RTL9: variants seen among roughly 807,000 people sequenced by gnomAD.
RTL9 encodes the protein retrotransposon Gag like 9.
RTL9 carries 19 observed loss-of-function variants against 44.7 expected under a neutral mutation model. The ratio of observed to expected loss-of-function variants is 0.42; its 90% CI spans 0.30 to 0.62. The LOEUF (loss-of-function observed/expected upper bound fraction) is 0.62. Ranked by LOEUF, RTL9 falls within the 20% of genes least tolerant of loss-of-function variation. RTL9 has a pLI of 0.16. For missense variants in RTL9, 1,105 were observed against 1,080.6 expected (o/e 1.02, Z -0.32); for synonymous variants, 407 against 398.9 (o/e 1.02, Z -0.24).
intron 1 of RTL9, among the ~76,000 whole-genome samples, chrX:110,433,685 A>G (rs1388473302): frequency 8.9e-6 from 1 of 111,918 alleles, no homozygotes; most frequent in Non-Finnish European, 1.9e-5. Context: ...AATCATGAAA[A>G]GAGCTTAGGA....
chrX:110,442,382 G>A (rs1374242126), intron 1 of RTL9, among the ~76,000 whole-genome samples: 1 of 110,177 alleles, frequency 9.1e-6, no homozygotes, highest in Non-Finnish European at 1.9e-5. Flanking sequence ...ACGTTGTACG[G>A]GTCAAATAAA....
At chrX:110,368,457 C>T (rs1029959707) in intron 1 of RTL9, among the ~76,000 whole-genome samples, 57 of 111,607 alleles carry the variant, frequency 5.1e-4, no homozygotes, top group African/African-American at 1.8e-3. Flanking sequence ...CAAGAAAACT[C>T]CCAGAGGTCC....
intron 1 of RTL9, among the ~76,000 whole-genome samples, chrX:110,423,376 GA>G (rs2068732609): frequency 9.2e-6 from 1 of 108,726 alleles, no homozygotes; most frequent in Non-Finnish European, 1.9e-5. Flanking sequence ...AGAAGGAGAA[GA>G]AGGAGAAGGA....
exon 1 of RTL9, chrX:110,452,542 C>T (rs1439215189): frequency 8.3e-7 from 1 of 1,211,834 alleles, no homozygotes; most frequent in South Asian, 1.8e-5. Context: ...GCAATGCCCA[C>T]ACTGCTAATG....
chrX:110,381,519 T>C (rs2068418940), intron 1 of RTL9, among the ~76,000 whole-genome samples: 1 of 111,856 alleles, frequency 8.9e-6, no homozygotes, highest in Admixed American at 9.4e-5. Context: ...GTTAAAGATT[T>C]CTCAAAGATC....
intron 1 of RTL9, among the ~76,000 whole-genome samples, chrX:110,424,960 A>G (rs2068743780): frequency 9.0e-6 from 1 of 111,592 alleles, no homozygotes; most frequent in Admixed American, 9.5e-5. Flanking sequence ...TGACAACAGT[A>G]TTCTCGCTTT....
intron 1 of RTL9, among the ~76,000 whole-genome samples, chrX:110,407,445 T>C (rs1485743205): frequency 8.9e-6 from 1 of 112,238 alleles, no homozygotes; most frequent in African/African-American, 3.2e-5. Flanking sequence ...TTTCAGCACA[T>C]ACCATGTGAT....
At position 110,453,286 on chromosome X, in the gene RTL9, G is replaced by C. The variant is rs141916712; in HGVS notation, c.2669G>C (p.Arg890Pro). 7 of 1,210,956 alleles carry C rather than the reference G, an allele frequency of 5.8e-6. No individual in the cohort carries two copies. The South Asian group carries it at 1.1e-4, about 18-fold the overall frequency. The change falls in exon 1 of 2, where the codon CGA becomes CCA. Residue 890 changes from arginine (R) to proline (P), a missense_variant. Arg to Pro is a moderately radical substitution (Grantham distance 103). Transcript: ENST00000540313. ...GGAGACATGTGCACACTACCAGTGC[G>C]AGCCCCAGCCTCTGGAGGGGTGTCC...
At chrX:110,435,463 G>T (rs2068832111) in intron 1 of RTL9, among the ~76,000 whole-genome samples, 1 of 111,936 alleles carries the variant, frequency 8.9e-6, no homozygotes, top group Non-Finnish European at 1.9e-5. Flanking sequence ...ACCACAGCTG[G>T]TCTCCTAGGA....
At chrX:110,386,267 C>CA (rs1395013126) in intron 1 of RTL9, among the ~76,000 whole-genome samples, 2 of 109,708 alleles carry the variant, frequency 1.8e-5, no homozygotes, top group Non-Finnish European at 3.8e-5. Flanking sequence ...ATGATGGTTT[C>CA]AATTTTTCCA....
At chrX:110,416,629 T>C (rs1429685371), upstream of RTL9, among the ~76,000 whole-genome samples, 7 of 112,182 alleles carry the variant, frequency 6.2e-5, no homozygotes, top group Non-Finnish European at 1.3e-4. Flanking sequence ...TGCATAGCTC[T>C]GGCTCAGAAA....
chrX:110,420,618 C>T (rs1180283745), intron 1 of RTL9, among the ~76,000 whole-genome samples: 1 of 112,055 alleles, frequency 8.9e-6, no homozygotes, highest in African/African-American at 3.2e-5. Context: ...GTGTTCCAAT[C>T]CCATCTCAAA....
chrX:110,431,494 A>G (rs1332159472), intron 1 of RTL9, among the ~76,000 whole-genome samples: 1 of 109,760 alleles, frequency 9.1e-6, no homozygotes, highest in Non-Finnish European at 1.9e-5. Context: ...CTTTATATAA[A>G]CAATTTGCCT....
chrX:110,378,951 C>T (rs1025810693), intron 1 of RTL9, among the ~76,000 whole-genome samples: 8 of 110,943 alleles, frequency 7.2e-5, no homozygotes, highest in African/African-American at 9.9e-5. Flanking sequence ...CCCACTGCTG[C>T]GTCTGCCAGT....
intron 1 of RTL9, among the ~76,000 whole-genome samples, chrX:110,407,763 T>C: frequency 8.9e-6 from 1 of 112,406 alleles, no homozygotes; most frequent in Middle Eastern, 4.6e-3. Flanking sequence ...TAAAGGCTGG[T>C]AGAAGAGGGC....
At chrX:110,437,621 C>T in intron 1 of RTL9, among the ~76,000 whole-genome samples, 1 of 111,868 alleles carries the variant, frequency 8.9e-6, no homozygotes, top group East Asian at 2.8e-4. Flanking sequence ...CTCTTCATAC[C>T]TTATAGCTCT....
chrX:110,420,633 T>C (rs1266888575), intron 1 of RTL9, among the ~76,000 whole-genome samples: 1 of 112,135 alleles, frequency 8.9e-6, no homozygotes, highest in African/African-American at 3.2e-5. Context: ...CTCAAATCCT[T>C]TGCAGAATGA....
chrX:110,446,766 T>C (rs1271992944), upstream of RTL9, among the ~76,000 whole-genome samples: 1 of 111,980 alleles, frequency 8.9e-6, no homozygotes, highest in Non-Finnish European at 1.9e-5. Context: ...TAGTGGCTGC[T>C]ACAATTGCAC....
At chrX:110,375,284 A>G (rs1178451939) in intron 1 of RTL9, among the ~76,000 whole-genome samples, 2 of 112,197 alleles carry the variant, frequency 1.8e-5, no homozygotes, top group Non-Finnish European at 3.8e-5. Context: ...AGAACAAGAG[A>G]TGGAATGAGA....
Sources: allele counts gnomAD v4.1 joint callset (sites outside exome capture counted in the v4.1 genomes callset), GRCh38; gene constraint gnomAD v4.1.1; transcripts MANE v1.5; gene names NCBI Gene and HGNC (gene_info 2026-07-23, HGNC 2026-07-21).